HTR3B: variants seen among roughly 807,000 people sequenced by gnomAD.
The protein encoded by HTR3B is 5-hydroxytryptamine (serotonin) receptor 3B, ionotropic.
Under a neutral mutation model 42.8 loss-of-function variants are expected in HTR3B, and 44 were observed. The ratio of observed to expected loss-of-function variants is 1.03; its 90% CI spans 0.81 to 1.32. HTR3B has a LOEUF of 1.32. HTR3B is among the 40% of genes most tolerant of loss of function. The pLI, the probability that HTR3B is intolerant of heterozygous loss-of-function variation, is 0.00. For synonymous variants in HTR3B, 203 were observed against 209.0 expected (o/e 0.97, Z 0.25); for missense variants, 527 against 536.5 (o/e 0.98, Z 0.17).
At position 113,931,864 on chromosome 11, in the gene HTR3B, A is replaced by T; in HGVS notation, c.365A>T (p.Glu122Val). 6.5e-7 allele frequency: 1 copy of T among 1,546,280 alleles called. No homozygotes were observed. The highest frequency in any genetic ancestry group is 1.7e-5 in the Admixed American group (1 of 59,928). Residue 122 changes from glutamate to valine, a missense_variant, in exon 4 of 9, where the codon GAG becomes GTG. Coordinates refer to ENST00000260191, the MANE Select transcript of HTR3B (RefSeq NM_006028.5). Reference protein sequence around the residue: ...AIWAPDIIINEFVDIERYPDL... With the variant: ...AIWAPDIIINVFVDIERYPDL... ...TGGGCCCCCGATATCATCATCAATG[A>T]GTTGTAAGTGTGCCAGTGTGTATTT...
At chr11:113,926,822 C>A (rs1949981023) in intron 2 of HTR3B, among the ~76,000 whole-genome samples, 1 of 152,214 alleles carries the variant, frequency 6.6e-6, no homozygotes, top group South Asian at 2.1e-4. Context: ...AGCAACCGAG[C>A]CCAGCCCAGA....
At chr11:113,945,296 T>C (rs1950168142) in intron 8 of HTR3B, among the ~76,000 whole-genome samples, 1 of 151,942 alleles carries the variant, frequency 6.6e-6, no homozygotes, top group Admixed American at 6.6e-5. Flanking sequence ...CACCATGCCT[T>C]GCTAATTTTT....
chr11:113,930,225 A>G (rs1476995666), intron 2 of HTR3B, among the ~76,000 whole-genome samples: 1 of 151,882 alleles, frequency 6.6e-6, no homozygotes, highest in Non-Finnish European at 1.5e-5. Context: ...GTGAAGTCTC[A>G]TTTATTTTTC....
At chr11:113,911,008 AGT>A (rs1277302396) in intron 2 of HTR3B, among the ~76,000 whole-genome samples, 1 of 148,220 alleles carries the variant, frequency 6.7e-6, no homozygotes, top group African/African-American at 2.5e-5. Flanking sequence ...TTGTATTTTT[AGT>A]AGAGATGGGG....
chr11:113,912,523 G>A (rs888388868), intron 2 of HTR3B, among the ~76,000 whole-genome samples: 7 of 152,190 alleles, frequency 4.6e-5, no homozygotes, highest in African/African-American at 1.7e-4. Flanking sequence ...GATTACAGGC[G>A]TGAGCCACCG....
intron 2 of HTR3B, among the ~76,000 whole-genome samples, chr11:113,918,124 A>G (rs1312373944): frequency 6.6e-6 from 1 of 152,136 alleles, no homozygotes; most frequent in Non-Finnish European, 1.5e-5. Flanking sequence ...AAAGAAATAT[A>G]TAGGCAGGCC....
intron 2 of HTR3B, among the ~76,000 whole-genome samples, chr11:113,917,972 C>T (rs555570512): frequency 1.3e-5 from 2 of 152,166 alleles, no homozygotes; most frequent in South Asian, 4.1e-4. Flanking sequence ...GATAATATTC[C>T]CTTTTATGAA....
intron 2 of HTR3B, among the ~76,000 whole-genome samples, chr11:113,929,457 T>C (rs1950009661): frequency 6.6e-6 from 1 of 152,186 alleles, no homozygotes; most frequent in Non-Finnish European, 1.5e-5. Flanking sequence ...TATACTCACA[T>C]GGTAGAGAGA....
At chr11:113,942,877 G>A in intron 6 of HTR3B, 105 bp from the exon 7 acceptor site, 1 of 880,418 alleles carries the variant, frequency 1.1e-6, no homozygotes. Flanking sequence ...TTCACATTAT[G>A]CAAAAACGTT....
Position 113,944,677 on chromosome 11 carries a change from C to G in HTR3B, c.1012C>G (p.Pro338Ala), listed in dbSNP as rs141873405. ...HDEQRGGQEQ[P>A]FLCLRGDTDA... ...TGAGCAGCGTGGTGGACAGGAGCAG[C>G]CCTTCTTGTGCCTTCGAGGGGACAC... The change falls in exon 8 of 9, where the codon CCC becomes GCC. Residue 338 changes from proline (P) to alanine (A), a missense_variant. Physicochemically the swap from Pro to Ala is conservative, Grantham distance 27. Coordinates refer to ENST00000260191, the MANE Select transcript of HTR3B (RefSeq NM_006028.5). The G allele has an allele frequency of 2.7e-5, 43 of 1,614,032 alleles. No individual in the cohort carries two copies. In the African/African-American group the frequency reaches 5.2e-4, roughly 20 times the overall value.
intron 6 of HTR3B, among the ~76,000 whole-genome samples, chr11:113,933,774 A>T (rs759631788): frequency 6.6e-6 from 1 of 152,182 alleles, no homozygotes; most frequent in Non-Finnish European, 1.5e-5. Context: ...AGAGGCAGCC[A>T]TTGTCCCATC....
At chr11:113,910,833 CTT>C (rs11380661) in intron 2 of HTR3B, among the ~76,000 whole-genome samples, 8 of 140,296 alleles carry the variant, frequency 5.7e-5, no homozygotes, top group Admixed American at 7.1e-5. Context: ...GTTTTCTTTT[CTT>C]TTTTTTTTTT....
chr11:113,901,443 A>AG (rs1299493017), upstream of HTR3B, among the ~76,000 whole-genome samples: 1 of 144,646 alleles, frequency 6.9e-6, no homozygotes, highest in South Asian at 2.3e-4. Flanking sequence ...TCTGCCTCTT[A>AG]GGGAAAAAAA....
At chr11:113,922,745 C>T (rs1320570675) in intron 2 of HTR3B, among the ~76,000 whole-genome samples, 3 of 151,782 alleles carry the variant, frequency 2.0e-5, no homozygotes, top group Admixed American at 6.6e-5. Context: ...TTAGTAGAGA[C>T]GGGGTTTCAC....
At chr11:113,920,174 A>G (rs1224764852) in intron 2 of HTR3B, among the ~76,000 whole-genome samples, 1 of 150,444 alleles carries the variant, frequency 6.6e-6, no homozygotes, top group African/African-American at 2.4e-5. Flanking sequence ...GATTACAAGC[A>G]TGTGCCACCA....
At chr11:113,900,539 G>C (rs1248492141), upstream of HTR3B, among the ~76,000 whole-genome samples, 1 of 151,940 alleles carries the variant, frequency 6.6e-6, no homozygotes, top group Non-Finnish European at 1.5e-5. Context: ...TTGTTCCCAG[G>C]CTGGAGTGCA....
At chr11:113,944,482 T>C in intron 7 of HTR3B, 91 bp from the exon 8 acceptor site, 2 of 1,246,824 alleles carry the variant, frequency 1.6e-6, no homozygotes, top group South Asian at 1.4e-5. Flanking sequence ...GCTTGGGCAA[T>C]AGAGCAAGAC....
chr11:113,925,698 T>C (rs367635406), intron 2 of HTR3B, among the ~76,000 whole-genome samples: 1 of 152,264 alleles, frequency 6.6e-6, no homozygotes, highest in East Asian at 1.9e-4. Context: ...TTATTCTCTT[T>C]TAAGGATGCA....
chr11:113,911,755 C>T (rs1949796762), intron 2 of HTR3B, among the ~76,000 whole-genome samples: 1 of 151,794 alleles, frequency 6.6e-6, no homozygotes, highest in Non-Finnish European at 1.5e-5. Context: ...GTTGAACTCC[C>T]GACCTGAAGT....
Sources: allele counts gnomAD v4.1 joint callset (sites outside exome capture counted in the v4.1 genomes callset), GRCh38; gene constraint gnomAD v4.1.1; transcripts MANE v1.5; gene names NCBI Gene and HGNC (gene_info 2026-07-23, HGNC 2026-07-21).